NRBP1: variants seen among roughly 807,000 people sequenced by gnomAD.
NRBP1 encodes nuclear receptor binding protein 1.
A neutral mutation model predicts 76.0 loss-of-function variants in NRBP1; 10 were observed. That is an observed-to-expected ratio of 0.13 (90% CI 0.08 to 0.22). The LOEUF (loss-of-function observed/expected upper bound fraction) is 0.22. NRBP1 is among the 10% of genes least tolerant of loss of function. NRBP1 has a pLI of 1.00. For synonymous variants in NRBP1, 235 were observed against 240.2 expected (o/e 0.98, Z 0.20); for missense variants, 344 against 646.0 (o/e 0.53, Z 5.07).
Position 27,442,238 on chromosome 2 carries a change from A to AAAAGTCTACTTTTATT in NRBP1, c.*439_*440insATTAAAGTCTACTTTT, listed in dbSNP as rs1664616083. 3 of 598,460 alleles carry AAAAGTCTACTTTTATT rather than the reference A, an allele frequency of 5.0e-6. No individual in the cohort carries two copies. Among genetic ancestry groups the AAAAGTCTACTTTTATT allele is most frequent in the Admixed American group, 7.7e-5 (2 of 26,136 alleles). The allele number at this position is 598,460 out of a possible 1,614,324, so 37.1% of individuals were successfully genotyped here. On this transcript the variant is annotated 3_prime_UTR_variant, in exon 18 of 18. Coordinates refer to ENST00000379852, the MANE Select transcript of NRBP1 (RefSeq NM_013392.4). ...GATTCGCCTCAGTTGCTGCTGTAATAAAAGTCTACTTTTTGCTAAAAGCGT... is the reference window on the plus strand; with the variant it reads ...GATTCGCCTCAGTTGCTGCTGTAATAAAAGTCTACTTTTATTAAAGTCTACTTTTTGCTAAAAGCGT...
chr2:27,430,242 C>A (rs1286986302), intron 1 of NRBP1, among the ~76,000 whole-genome samples: 1 of 152,110 alleles, frequency 6.6e-6, no homozygotes, highest in Non-Finnish European at 1.5e-5. Flanking sequence ...TCTGTACTGC[C>A]TATTGCTCTT....
rs1339304566 is a variant in NRBP1 at position 27,428,757 on chromosome 2, C to A, written c.-21+26C>A. 3.3e-5 allele frequency: 13 copies of A among 397,500 alleles called. No homozygotes were observed. The South Asian group carries it at 1.7e-3, about 51-fold the overall frequency. 24.6% of individuals were successfully genotyped at this position (397,500 alleles called of 1,614,324 possible). A position where few individuals can be genotyped will look rare whatever the true frequency, so the allele number is the denominator to read the frequency against. The stretch of plus-strand genomic sequence containing the variant: ...GTGAGCGCCCAGGGAAAAGAGGGCC[C>A]GGGAGGGAGGGGTTCGCGAGAGGAC... On this transcript the variant is annotated intron_variant, in intron 1 of 17. Transcript: ENST00000379852.
At chr2:27,435,671 A>G (rs2148448941) in intron 7 of NRBP1, 2 of 717,584 alleles carry the variant, frequency 2.8e-6, no homozygotes, top group Non-Finnish European at 5.2e-6. Flanking sequence ...ATCGCTCACA[A>G]CTTTTCTCTG....
chr2:27,433,982 C>T lies in NRBP1; in HGVS notation c.334-7C>T. On this transcript the variant is annotated splice_polypyrimidine_tract_variant and splice_region_variant and intron_variant, in intron 3 of 17. Transcript: ENST00000379852. ...CTCTGTTATTCCACTGTCTCCCTTG[C>T]TTTCAGGAAAAGGTTCGTGCTGTGT... is the stretch of plus-strand genomic sequence containing the variant. 3 of 1,612,944 alleles carry T rather than the reference C, an allele frequency of 1.9e-6. No individual in the cohort carries two copies. The highest frequency in any genetic ancestry group is 1.7e-6 in the Non-Finnish European group (2 of 1,179,110).
chr2:27,440,425 A>G lies in NRBP1; in HGVS notation c.1059A>G (p.Leu353=), dbSNP rs751341178. Residue 353 remains leucine (L), a synonymous_variant, in exon 12 of 18, where the codon CTA becomes CTG. Transcript: ENST00000379852. The stretch of plus-strand genomic sequence containing the variant: ...CAGACATGATCCCAGAGAACGCTCT[A>G]GAGGAGATCACCAAAAACATGGATA... The part of the protein sequence containing the change: ...GHQHMIPENA[L]EEITKNMDTS... 33 of 1,613,006 alleles carry G rather than the reference A, an allele frequency of 2.0e-5. No individual in the cohort carries two copies. The highest frequency in any genetic ancestry group is 3.3e-5 in the Admixed American group (2 of 59,996).
At position 27,441,774 on chromosome 2, in the gene NRBP1, A is replaced by C; in HGVS notation, c.1570A>C (p.Ser524Arg). 1 of 1,613,952 alleles carries C rather than the reference A, an allele frequency of 6.2e-7. No homozygotes were observed. Among genetic ancestry groups the C allele is most frequent in the Non-Finnish European group, 8.5e-7 (1 of 1,179,852 alleles). The change falls in exon 18 of 18, where the codon AGT becomes CGT. Residue 524 changes from serine (S) to arginine (R), a missense_variant. Physicochemically the swap from Ser to Arg is moderately radical, Grantham distance 110. Around this residue, in one of 3 missense-constraint regions of NRBP1, gnomAD observed 218 missense variants for 309.8 expected, o/e 0.70. Coordinates refer to ENST00000379852, the MANE Select transcript of NRBP1 (RefSeq NM_013392.4). ...GAACAAGTTCAATTTTGCCAGGAAC[A>C]GTACCCTCAACTCAGCCGCTGTCAC... Reference protein sequence around the residue: ...TLNKFNFARNSTLNSAAVTVS... With the variant: ...TLNKFNFARNRTLNSAAVTVS...
chr2:27,433,226 C>CCCT, intron 1 of NRBP1, 28 bp from the exon 2 acceptor site: 1 of 1,490,030 alleles, frequency 6.7e-7, no homozygotes, highest in Non-Finnish European at 9.3e-7. Context: ...TCTGCCTTTT[C>CCCT]CCTCTGTATT....
chr2:27,437,679 G>A (rs936178701), intron 10 of NRBP1, among the ~76,000 whole-genome samples: 1 of 151,910 alleles, frequency 6.6e-6, no homozygotes, highest in African/African-American at 2.4e-5. Flanking sequence ...AGACCATCCT[G>A]GCTAACATGG....
chr2:27,430,777 A>G lies in NRBP1; in HGVS notation c.-21+2046A>G, dbSNP rs939683743. Reference sequence around the variant, plus strand: ...GCCTGGCCCAGGGTATCTCTTTCATACTGTAGAGAACTCTCTTGAGCTGAG... The same window carrying G: ...GCCTGGCCCAGGGTATCTCTTTCATGCTGTAGAGAACTCTCTTGAGCTGAG... On this transcript the variant is annotated intron_variant, in intron 1 of 17. Coordinates refer to ENST00000379852, the MANE Select transcript of NRBP1 (RefSeq NM_013392.4). 8.5e-5 allele frequency among the ~76,000 whole-genome samples: 13 copies of G among 152,050 alleles called. No homozygotes were observed. The East Asian group carries it at 2.1e-3, about 25-fold the overall frequency.
intron 10 of NRBP1, among the ~76,000 whole-genome samples, chr2:27,438,702 T>G (rs1395894511): frequency 6.6e-6 from 1 of 152,124 alleles, no homozygotes; most frequent in Non-Finnish European, 1.5e-5. Context: ...GCTCATACTT[T>G]TAATCCCAGC....
chr2:27,437,493 A>G (rs997284860), intron 10 of NRBP1, 133 bp downstream of exon 10: 2 of 678,680 alleles, frequency 2.9e-6, no homozygotes, highest in Admixed American at 5.6e-5. Context: ...AAATCTATAA[A>G]CATTTTCTTA....
rs1308865882 is a variant in NRBP1, at chr2:27,441,640, A to G, written c.1503+18A>G. On this transcript the variant is annotated intron_variant, in intron 17 of 17. Coordinates refer to ENST00000379852, the MANE Select transcript of NRBP1 (RefSeq NM_013392.4). ...TTAGTGAGGTGAGGTTTCTGCCTTC[A>G]TCTGCCCTGGCTGCCCCCATGCCTT... 3.1e-6 allele frequency: 5 copies of G among 1,613,992 alleles called. No individual in the cohort carries two copies. The highest frequency in any genetic ancestry group is 1.1e-5 in the South Asian group (1 of 91,076).
intron 16 of NRBP1, 116 bp downstream of exon 16, chr2:27,441,446 T>C (rs1664554726): frequency 7.0e-7 from 1 of 1,423,764 alleles, no homozygotes; most frequent in Admixed American, 1.7e-5. Context: ...ATAGAATGAC[T>C]ATCTTAGACC....
At position 27,440,925 on chromosome 2, in the gene NRBP1, G is replaced by T; in HGVS notation, c.1314G>T (p.Glu438Asp). The T allele has an allele frequency of 6.2e-7, 1 of 1,613,644 alleles. No individual in the cohort carries two copies. Among genetic ancestry groups the T allele is most frequent in the Non-Finnish European group, 8.5e-7 (1 of 1,180,036 alleles). Residue 438 changes from glutamate to aspartate, a missense_variant, in exon 14 of 18, where the codon GAG (glutamate) becomes GAT (aspartate). By Grantham distance (45) the Glu-to-Asp change is conservative. Around this residue, in one of 3 missense-constraint regions of NRBP1, gnomAD observed 218 missense variants for 309.8 expected, o/e 0.70. Transcript: ENST00000379852. Reference sequence around the variant, plus strand: ...AGACTCCGACACCTGAACCAGCTGAGGTGGAGACTCGCAAGGTGGGGGCTG... The same window carrying T: ...AGACTCCGACACCTGAACCAGCTGATGTGGAGACTCGCAAGGTGGGGGCTG... ...SVKTPTPEPA[E>D]VETRKVVLMQ...
At chr2:27,428,477 C>G (rs1243962352), upstream of NRBP1, 1 of 393,696 alleles carries the variant, frequency 2.5e-6, no homozygotes, top group Admixed American at 4.4e-5. Context: ...TCGGCCGGAC[C>G]GGCGCAAGGG....
chr2:27,433,212 T>G lies in NRBP1; in HGVS notation c.-20-42T>G, dbSNP rs1664171027. The G allele has an allele frequency of 7.8e-6, 11 of 1,402,876 alleles. No homozygotes were observed. The South Asian group carries it at 1.2e-4, about 15-fold the overall frequency. The allele number at this position is 1,402,876 out of a possible 1,614,324, so 86.9% of individuals were successfully genotyped here. ...TAAATCTTTACAGATGTATCCTGAC[T>G]TTCTCTGCCTTTTCCCTCTGTATTT... is the stretch of plus-strand genomic sequence containing the variant. On this transcript the variant is annotated intron_variant, in intron 1 of 17. Coordinates refer to ENST00000379852, the MANE Select transcript of NRBP1 (RefSeq NM_013392.4).
At chr2:27,437,452 G>A (rs1285430102) in intron 10 of NRBP1, 92 bp downstream of exon 10, 1 of 895,908 alleles carries the variant, frequency 1.1e-6, no homozygotes, top group Non-Finnish European at 1.8e-6. Context: ...ATGCTCCTAA[G>A]AGCTAGGGAA....
rs1212019331 is a variant in NRBP1 at position 27,433,305 on chromosome 2, G to C, written c.32G>C (p.Ser11Thr). ...GAGGGGGAGTCCCAGACAGTACTTA[G>C]CAGTGGCTCAGACCCAAAGGTAGAA... is the stretch of plus-strand genomic sequence containing the variant. MSEGESQTVL[S>T]SGSDPKVESS... Residue 11 changes from serine to threonine, a missense_variant, in exon 2 of 18, where the codon AGC becomes ACC. Coordinates refer to ENST00000379852, the MANE Select transcript of NRBP1 (RefSeq NM_013392.4). The C allele has an allele frequency of 6.2e-7, 1 of 1,614,112 alleles. No individual in the cohort carries two copies. Among genetic ancestry groups the C allele is most frequent in the East Asian group, 2.2e-5 (1 of 44,892 alleles).
chr2:27,435,542 C>T (rs927342310), intron 7 of NRBP1: 1 of 643,904 alleles, frequency 1.6e-6, no homozygotes, highest in Non-Finnish European at 2.8e-6. Flanking sequence ...GAGGAGGTTC[C>T]AGGCTGTTCC....
Sources: allele counts gnomAD v4.1 joint callset (sites outside exome capture counted in the v4.1 genomes callset), GRCh38; gene constraint gnomAD v4.1.1; regional missense constraint gnomAD v4.1.1; transcripts MANE v1.5; gene names NCBI Gene and HGNC (gene_info 2026-07-23, HGNC 2026-07-21).